ERLIN1: variants seen among roughly 807,000 people sequenced by gnomAD.
ERLIN1 encodes erlin-1.
A neutral mutation model predicts 46.9 loss-of-function variants in ERLIN1; 24 were observed. The observed-to-expected ratio is 0.51, with a 90% CI of 0.37 to 0.72. The LOEUF (loss-of-function observed/expected upper bound fraction) is 0.72, where lower values mean the gene tolerates loss of function less well. Ranked by LOEUF, ERLIN1 falls within the 30% of genes least tolerant of loss-of-function variation. The probability of loss-of-function intolerance (pLI) is 0.00; values close to 1 mark genes in which losing one functional copy is unlikely to be tolerated. For missense variants in ERLIN1, 293 were observed against 417.9 expected (o/e 0.70, Z 2.61); for synonymous variants, 158 against 143.2 (o/e 1.10, Z -0.74).
intron 2 of ERLIN1, among the ~76,000 whole-genome samples, chr10:100,182,037 T>TTA (rs538018322): frequency 2.0e-5 from 3 of 152,106 alleles, no homozygotes; most frequent in South Asian, 2.1e-4. Flanking sequence ...ACTATATTTG[T>TTA]TATATATATA....
rs368862199 is a variant in ERLIN1 at position 100,167,330 on chromosome 10, C to T, written c.563+18G>A. On this transcript the variant is annotated intron_variant, in intron 7 of 10. Coordinates refer to ENST00000421367, the MANE Select transcript of ERLIN1 (RefSeq NM_006459.4). ...CAGCCCTAAACAGAAATATTGGGAT[C>T]CCATGCATATTACTCACATTAACTC... 1.3e-6 allele frequency: 2 copies of T among 1,580,948 alleles called. No homozygotes were observed. The highest frequency in any genetic ancestry group is 1.3e-5 in the African/African-American group (1 of 74,148).
At chr10:100,159,443 T>C (rs558569684) in intron 8 of ERLIN1, among the ~76,000 whole-genome samples, 122 of 152,232 alleles carry the variant, frequency 8.0e-4, no homozygotes, top group African/African-American at 2.8e-3. Context: ...TAAAGAAACC[T>C]GCATCCAACA....
intron 5 of ERLIN1, among the ~76,000 whole-genome samples, chr10:100,175,069 G>A (rs1844213085): frequency 6.6e-6 from 1 of 152,164 alleles, no homozygotes; most frequent in South Asian, 2.1e-4. Flanking sequence ...TTTCAGGAGG[G>A]AAAAGTGAGC....
At chr10:100,166,377 G>A (rs1843640902) in intron 7 of ERLIN1, among the ~76,000 whole-genome samples, 1 of 152,000 alleles carries the variant, frequency 6.6e-6, no homozygotes. Context: ...GCAGTGAGCC[G>A]TGATTGTGCC....
At chr10:100,183,028 A>T (rs1331941937) in intron 2 of ERLIN1, among the ~76,000 whole-genome samples, 1 of 152,228 alleles carries the variant, frequency 6.6e-6, no homozygotes, top group Non-Finnish European at 1.5e-5. Context: ...AAGCCTAGAC[A>T]TAAGATTACA....
chr10:100,157,855 A>G (rs1843156786), intron 8 of ERLIN1, among the ~76,000 whole-genome samples: 1 of 152,246 alleles, frequency 6.6e-6, no homozygotes, highest in South Asian at 2.1e-4. Flanking sequence ...GAATAAATCA[A>G]TAAAAAGCAC....
At chr10:100,153,559 AC>A (rs1842915874) in intron 10 of ERLIN1, among the ~76,000 whole-genome samples, 1 of 152,108 alleles carries the variant, frequency 6.6e-6, no homozygotes, top group South Asian at 2.1e-4. Context: ...TTTATTTTCT[AC>A]ACTTTGACAT....
In ERLIN1 at chr10:100,151,413, G is replaced by A. The variant is rs1842795993; in HGVS notation, c.*718C>T. On this transcript the variant is annotated 3_prime_UTR_variant, in exon 11 of 11. Transcript: ENST00000421367. ...CCCCAGAGCTTTGGCTCAGAGCAAAGGTTTCATCTCACCCCAACTTCAAAC... is the reference window on the plus strand; with the variant it reads ...CCCCAGAGCTTTGGCTCAGAGCAAAAGTTTCATCTCACCCCAACTTCAAAC... 6.5e-6 allele frequency: 1 copy of A among 154,958 alleles called. No individual in the cohort carries two copies. Among genetic ancestry groups the A allele is most frequent in the African/African-American group, 2.4e-5 (1 of 41,432 alleles). The allele number at this position is 154,958 out of a possible 1,614,324, so 9.6% of individuals were successfully genotyped here. A position where few individuals can be genotyped will look rare whatever the true frequency, so the allele number is the denominator to read the frequency against.
intron 4 of ERLIN1, 86 bp from the exon 5 acceptor site, chr10:100,176,156 T>C (rs781182142): frequency 1.0e-4 from 123 of 1,185,428 alleles, no homozygotes; most frequent in Non-Finnish European, 1.3e-4. Context: ...GTCAGGGTGA[T>C]ATATTACACA....
chr10:100,161,448 AAC>A (rs140027739), intron 8 of ERLIN1, among the ~76,000 whole-genome samples: 7,446 of 152,284 alleles, frequency 0.049, 600 homozygotes, highest in African/African-American at 0.17. Flanking sequence ...TAAATGGAGA[AAC>A]AGATTTATAA....
At chr10:100,173,935 G>A (rs1056784962) in intron 6 of ERLIN1, among the ~76,000 whole-genome samples, 3 of 152,108 alleles carry the variant, frequency 2.0e-5, no homozygotes, top group Non-Finnish European at 2.9e-5. Context: ...AACCATTACT[G>A]TATCTTAATG....
chr10:100,173,785 A>C (rs1844137999), intron 6 of ERLIN1, among the ~76,000 whole-genome samples: 1 of 152,210 alleles, frequency 6.6e-6, no homozygotes, highest in Non-Finnish European at 1.5e-5. Context: ...TCTTACTCTT[A>C]CAGCAATAAT....
At chr10:100,155,566 G>C (rs1485599950) in intron 9 of ERLIN1, among the ~76,000 whole-genome samples, 1 of 151,788 alleles carries the variant, frequency 6.6e-6, no homozygotes, top group East Asian at 1.9e-4. Flanking sequence ...CCAGGCTGGA[G>C]TGCAGTGGCG....
chr10:100,167,524 C>T lies in ERLIN1; in HGVS notation c.505-118G>A, dbSNP rs1843713543. ...CTAATAAACAACAGCTATAATATAG[C>T]GGCCTACTAACACGTTTGGGGATCC... is the stretch of plus-strand genomic sequence containing the variant. On this transcript the variant is annotated intron_variant, in intron 6 of 10. Coordinates refer to ENST00000421367, the MANE Select transcript of ERLIN1 (RefSeq NM_006459.4). 5 of 745,562 alleles carry T rather than the reference C, an allele frequency of 6.7e-6. No individual in the cohort carries two copies. In the East Asian group the frequency reaches 1.1e-4, roughly 16 times the overall value. 46.2% of individuals were successfully genotyped at this position (745,562 alleles called of 1,614,324 possible).
intron 7 of ERLIN1, 120 bp downstream of exon 7, chr10:100,167,228 A>C: frequency 1.4e-6 from 1 of 727,326 alleles, no homozygotes; most frequent in Non-Finnish European, 2.4e-6. Flanking sequence ...GTAAGAGTAA[A>C]GAAGATAAGA....
At chr10:100,170,009 C>A (rs1397146330) in intron 6 of ERLIN1, among the ~76,000 whole-genome samples, 2 of 152,134 alleles carry the variant, frequency 1.3e-5, no homozygotes, top group African/African-American at 4.8e-5. Context: ...CAGAGGGAGA[C>A]CCTGTCTCAA....
At chr10:100,171,670 T>C (rs1844005220) in intron 6 of ERLIN1, among the ~76,000 whole-genome samples, 1 of 152,082 alleles carries the variant, frequency 6.6e-6, no homozygotes, top group Non-Finnish European at 1.5e-5. Context: ...CTCAGCCTCC[T>C]AAAGTGGTGG....
intron 2 of ERLIN1, 139 bp from the exon 3 acceptor site, chr10:100,179,386 C>T: frequency 8.6e-6 from 5 of 583,222 alleles, no homozygotes. Flanking sequence ...CAAAGATTAG[C>T]TCTCAGAACA....
Position 100,152,212 on chromosome 10 carries a change from T to G in ERLIN1, c.966A>C (p.Gly322=). Reference sequence around the variant, plus strand: ...CCTTAGAGGGGAGTGAGCTTTCTCTTCCAGTCCTAATATCTGAATATTTCA... The same window carrying G: ...CCTTAGAGGGGAGTGAGCTTTCTCTGCCAGTCCTAATATCTGAATATTTCA... ...CALKYSDIRT[G]RESSLPSKEA... Residue 322 remains glycine (G), a synonymous_variant, in exon 11 of 11, where the codon GGA becomes GGC. Transcript: ENST00000421367. The G allele has an allele frequency of 6.2e-7, 1 of 1,613,420 alleles. No homozygotes were observed. The highest frequency in any genetic ancestry group is 8.5e-7 in the Non-Finnish European group (1 of 1,179,334).
Sources: allele counts gnomAD v4.1 joint callset (sites outside exome capture counted in the v4.1 genomes callset), GRCh38; gene constraint gnomAD v4.1.1; transcripts MANE v1.5; gene names NCBI Gene and HGNC (gene_info 2026-07-23, HGNC 2026-07-21).